The following KLF15 variants were observed in gnomAD, a reference collection of about 807,000 sequenced individuals.
KLF15 encodes the protein Krueppel-like factor 15.
In KLF15, 4 loss-of-function variants were observed where a neutral mutation model predicts 24.6. The observed-to-expected ratio is 0.16, with a 90% CI of 0.08 to 0.37. The LOEUF (loss-of-function observed/expected upper bound fraction) is 0.37, where lower values mean the gene tolerates loss of function less well. Among genes scored for constraint, KLF15 ranks in the 10% least tolerant of loss-of-function variants. KLF15 has a pLI of 1.00. For missense variants in KLF15, 496 were observed against 560.6 expected (o/e 0.88, Z 1.16); for synonymous variants, 246 against 236.3 (o/e 1.04, Z -0.37).
the KLF15 span, among the ~76,000 whole-genome samples, chr3:126,322,540 C>G: frequency 6.6e-6 from 1 of 152,196 alleles, no homozygotes; most frequent in Non-Finnish European, 1.5e-5. Flanking sequence ...GATCCTCCCC[C>G]CATCTCCAGA....
At chr3:126,316,734 G>A in the KLF15 span, among the ~76,000 whole-genome samples, 1 of 132,986 alleles carries the variant, frequency 7.5e-6, no homozygotes, top group Non-Finnish European at 1.6e-5. Flanking sequence ...GGAGTGGTGA[G>A]GGGAGTCCAT....
At chr3:126,305,843 G>A in the KLF15 span, among the ~76,000 whole-genome samples, 4 of 152,242 alleles carry the variant, frequency 2.6e-5, no homozygotes, top group Non-Finnish European at 5.9e-5. Context: ...AGGGAAAGAA[G>A]AAGGAAGAAG....
chr3:126,323,503 A>ACATATATATATAG, the KLF15 span, among the ~76,000 whole-genome samples: 1 of 103,722 alleles, frequency 9.6e-6, no homozygotes, highest in Admixed American at 1.1e-4. Context: ...TATATATATA[A>ACATATATATATAG]CTACTATATA....
At chr3:126,299,236 A>G in the KLF15 span, among the ~76,000 whole-genome samples, 2 of 151,802 alleles carry the variant, frequency 1.3e-5, no homozygotes, top group Admixed American at 1.3e-4. Flanking sequence ...GTATGTATGT[A>G]TTTGTTTATT....
chr3:126,331,921 C>T, the KLF15 span, among the ~76,000 whole-genome samples: 28,226 of 152,214 alleles, frequency 0.19, 2,837 homozygotes, highest in South Asian at 0.31. Context: ...GAGGGTCCTA[C>T]GCCCACGGAA....
chr3:126,328,627 A>G, the KLF15 span, among the ~76,000 whole-genome samples: 1 of 152,186 alleles, frequency 6.6e-6, no homozygotes, highest in African/African-American at 2.4e-5. Context: ...GGCCAAAAGA[A>G]TGATTAAGTT....
intron 1 of KLF15, among the ~76,000 whole-genome samples, chr3:126,355,041 C>T (rs1039048929): frequency 2.6e-5 from 4 of 152,264 alleles, no homozygotes; most frequent in South Asian, 2.1e-4. Flanking sequence ...GCACGGCAAA[C>T]GTTCGGCCTC....
At chr3:126,307,090 C>T in the KLF15 span, among the ~76,000 whole-genome samples, 1 of 152,192 alleles carries the variant, frequency 6.6e-6, no homozygotes, top group African/African-American at 2.4e-5. Context: ...ATGTCACCTC[C>T]TTTACATACC....
At chr3:126,331,554 T>C in the KLF15 span, among the ~76,000 whole-genome samples, 3 of 152,182 alleles carry the variant, frequency 2.0e-5, no homozygotes, top group Non-Finnish European at 2.9e-5. Flanking sequence ...GCAAGTAATA[T>C]GTTAAGGCAC....
intron 1 of KLF15, among the ~76,000 whole-genome samples, chr3:126,357,005 C>T (rs2082638688): frequency 6.6e-6 from 1 of 151,718 alleles, no homozygotes; most frequent in South Asian, 2.1e-4. Flanking sequence ...GCGCGGGCCT[C>T]AGCAAAGTGC....
chr3:126,346,757 G>A (rs562740361), intron 2 of KLF15, among the ~76,000 whole-genome samples: 2 of 152,278 alleles, frequency 1.3e-5, no homozygotes, highest in South Asian at 4.1e-4. Flanking sequence ...CTCCCAAACA[G>A]CAGCCAACAG....
rs778165476 is a variant in KLF15, at chr3:126,352,182, C to A, written c.741G>T (p.Lys247Asn). The change falls in exon 2 of 3, where the codon AAG (lysine) becomes AAT (asparagine). Residue 247 changes from lysine to asparagine, a missense_variant. Lys to Asn is a moderately conservative substitution (Grantham distance 94). Around this residue, in one of 3 missense-constraint regions of KLF15, gnomAD observed 399 missense variants for 423.1 expected, o/e 0.94. Transcript: ENST00000296233. The part of the protein sequence containing the change: ...ASPGQAPENV[K>N]VAQLLVNIQG... ...GGATGTTGACCAGGAGCTGGGCAAC[C>A]TTGACATTCTCTGGGGCTTGCCCAG... 11 of 1,569,738 alleles carry A rather than the reference C, an allele frequency of 7.0e-6. No homozygotes were observed. In the South Asian group the frequency reaches 1.3e-4, roughly 19 times the overall value.
chr3:126,313,050 C>A, the KLF15 span, among the ~76,000 whole-genome samples: 1 of 152,152 alleles, frequency 6.6e-6, no homozygotes, highest in Non-Finnish European at 1.5e-5. Flanking sequence ...CAGAATGGAA[C>A]CAAATTTGGA....
At chr3:126,305,762 G>A in the KLF15 span, among the ~76,000 whole-genome samples, 5 of 152,332 alleles carry the variant, frequency 3.3e-5, no homozygotes, top group East Asian at 7.7e-4. Flanking sequence ...AGGGATTACA[G>A]CCATCTTAAA....
chr3:126,316,168 C>A, the KLF15 span, among the ~76,000 whole-genome samples: 1 of 151,966 alleles, frequency 6.6e-6, no homozygotes, highest in Admixed American at 6.6e-5. Context: ...CAAGAAAAAG[C>A]CAGAGCAATA....
At chr3:126,294,560 G>A in the KLF15 span, among the ~76,000 whole-genome samples, 1 of 152,316 alleles carries the variant, frequency 6.6e-6, no homozygotes, top group African/African-American at 2.4e-5. Flanking sequence ...AGGAGGAAGA[G>A]CAAGGCCTTC....
At chr3:126,299,767 AAAAAAAGG>A in the KLF15 span, among the ~76,000 whole-genome samples, 62 of 149,724 alleles carry the variant, frequency 4.1e-4, 1 homozygote, top group Middle Eastern at 6.8e-3. Context: ...AAAAAAAAAA[AAAAAAAGG>A]AGATGACCAC....
At position 126,352,086 on chromosome 3, in the gene KLF15, C is replaced by A; in HGVS notation, c.837G>T (p.Val279=). 1 of 1,545,710 alleles carries A rather than the reference C, an allele frequency of 6.5e-7. No individual in the cohort carries two copies. Among genetic ancestry groups the A allele is most frequent in the Non-Finnish European group, 8.7e-7 (1 of 1,144,224 alleles). Residue 279 remains valine, a synonymous_variant, in exon 2 of 3, where the codon GTG becomes GTT. Transcript: ENST00000296233. Reference sequence around the variant, plus strand: ...CGGCAATGGGCACAGGGGCAATGCGCACAAACTTGGAGGGCAGGTTCAAGT... The same window carrying A: ...CGGCAATGGGCACAGGGGCAATGCGAACAAACTTGGAGGGCAGGTTCAAGT... ...SSNLNLPSKF[V]RIAPVPIAAK...
At position 126,356,712 on chromosome 3, in the gene KLF15, C is replaced by A. The variant is rs2082635144; in HGVS notation, c.-26+525G>T. Among the ~76,000 whole-genome samples the A allele has an allele frequency of 6.6e-6, 1 of 152,068 alleles. No individual in the cohort carries two copies. On this transcript the variant is annotated intron_variant, in intron 1 of 2. Coordinates refer to ENST00000296233, the MANE Select transcript of KLF15 (RefSeq NM_014079.4). The surrounding 1 kb of genome is among the most constrained non-coding windows in gnomAD (Gnocchi z 4.4). ...GTGGGTGCCGGCGGGTGAGGGGAAA[C>A]GTGCGTGGGAAATGAAGAGAGCCGG... is the stretch of plus-strand genomic sequence containing the variant.
Sources: allele counts gnomAD v4.1 joint callset (sites outside exome capture counted in the v4.1 genomes callset), GRCh38; gene constraint gnomAD v4.1.1; regional missense constraint gnomAD v4.1.1; non-coding constraint Gnocchi (gnomAD v3.1); transcripts MANE v1.5; gene names NCBI Gene and HGNC (gene_info 2026-07-23, HGNC 2026-07-21).